Variants in RYR3 observed in about 807,000 individuals in gnomAD.
RYR3 encodes the protein brain ryanodine receptor-calcium release channel.
In RYR3, 207 loss-of-function variants were observed where a neutral mutation model predicts 584.3. That is an observed-to-expected ratio of 0.35 (90% CI 0.32 to 0.40). The LOEUF (loss-of-function observed/expected upper bound fraction) is 0.40, where lower values mean the gene tolerates loss of function less well. RYR3 is among the 10% of genes least tolerant of loss of function. The pLI is 1.00. For missense variants in RYR3, 5,616 were observed against 6,089.2 expected, an observed-to-expected ratio of 0.92 and a Z score of 2.59; for synonymous variants, 2,416 against 2,248.5, an observed-to-expected ratio of 1.07 and a Z score of -2.11.
chr15:33,801,745 G>A (rs1159379472), intron 68 of RYR3, 124 bp from the exon 69 acceptor site: 10 of 615,568 alleles, frequency 1.6e-5, no homozygotes, highest in African/African-American at 5.6e-5. Context: ...AGTTTTTCAC[G>A]TGTCTTTGGA....
chr15:33,755,067 G>T lies in RYR3; in HGVS notation c.8402G>T (p.Gly2801Val), dbSNP rs769322370. 2 of 1,592,348 alleles carry T rather than the reference G, an allele frequency of 1.3e-6. No homozygotes were observed. The highest frequency in any genetic ancestry group is 2.7e-5 in the African/African-American group (2 of 74,612). Residue 2801 changes from glycine (G) to valine (V), a missense_variant and splice_region_variant, in exon 58 of 104, where the codon GGT (glycine) becomes GTT (valine). Coordinates refer to ENST00000634891, the MANE Select transcript of RYR3 (RefSeq NM_001036.6). ...LQVNGIIVSRGMKDMELDASS... is the reference protein window; with the variant it reads ...LQVNGIIVSRVMKDMELDASS... ...GGGTCTGTCCATGTCCAACGTAGGG[G>T]TATGAAGGATATGGAGCTGGATGCC...
intron 1 of RYR3, among the ~76,000 whole-genome samples, chr15:33,333,725 A>T (rs1410435191): frequency 6.6e-6 from 1 of 152,222 alleles, no homozygotes; most frequent in African/African-American, 2.4e-5. Flanking sequence ...AATAAAGGGC[A>T]TTCACATAGG....
chr15:33,676,630 C>T (rs1246506213), intron 38 of RYR3, among the ~76,000 whole-genome samples: 2 of 146,226 alleles, frequency 1.4e-5, no homozygotes. Context: ...TTATTTAGCT[C>T]CATAGAGGTT....
chr15:33,446,509 C>T (rs1367331515), intron 1 of RYR3, among the ~76,000 whole-genome samples: 1 of 152,174 alleles, frequency 6.6e-6, no homozygotes, highest in Non-Finnish European at 1.5e-5. Flanking sequence ...AGGCCTCTCT[C>T]CTTGGCTTGT....
chr15:33,452,764 A>G (rs969447138), intron 1 of RYR3, among the ~76,000 whole-genome samples: 3 of 152,212 alleles, frequency 2.0e-5, no homozygotes, highest in African/African-American at 7.2e-5. Context: ...ATTCCAACCC[A>G]AACAGTCTGA....
At chr15:33,652,448 T>C (rs901770085) in intron 31 of RYR3, among the ~76,000 whole-genome samples, 1 of 152,196 alleles carries the variant, frequency 6.6e-6, no homozygotes, top group African/African-American at 2.4e-5. Context: ...TGTGTTGACA[T>C]TGAGTCTGGA....
Position 33,757,475 on chromosome 15 carries a change from G to A in RYR3, c.8584G>A (p.Val2862Ile). ...AGTTGATTTCTGGTGCGTTTCCCAG[G>A]TTCTCCTCCCGCTGGTTGACCAGTA... ...RDQEIKFFAK[V>I]LLPLVDQYFT... is the part of the protein sequence containing the mutation. The change falls in exon 60 of 104, where the codon GTT becomes ATT. Residue 2862 changes from valine (V) to isoleucine (I), a missense_variant and splice_region_variant. Physicochemically the swap from Val to Ile is conservative, Grantham distance 29 (BLOSUM62 3). Transcript: ENST00000634891. 1 of 1,604,852 alleles carries A rather than the reference G, an allele frequency of 6.2e-7. No homozygotes were observed. The highest frequency in any genetic ancestry group is 8.5e-7 in the Non-Finnish European group (1 of 1,175,916).
At chr15:33,824,659 T>C (rs1449031404) in intron 81 of RYR3, among the ~76,000 whole-genome samples, 1 of 152,176 alleles carries the variant, frequency 6.6e-6, no homozygotes, top group African/African-American at 2.4e-5. Context: ...AAATGAAACT[T>C]ACCTAAATCA....
At chr15:33,819,722 A>ATAAAT in intron 76 of RYR3, 34 bp from the exon 77 acceptor site, 1 of 1,191,554 alleles carries the variant, frequency 8.4e-7, no homozygotes, top group East Asian at 2.7e-5. Context: ...AAATAAATAA[A>ATAAAT]AAGCCTGCTA....
At chr15:33,675,032 T>C (rs2064084870) in intron 38 of RYR3, among the ~76,000 whole-genome samples, 1 of 152,180 alleles carries the variant, frequency 6.6e-6, no homozygotes, top group Admixed American at 6.5e-5. Context: ...GAGGCGGAGC[T>C]TGCAGTGAGC....
intron 72 of RYR3, among the ~76,000 whole-genome samples, chr15:33,812,211 T>C (rs1006675224): frequency 6.6e-6 from 1 of 152,002 alleles, no homozygotes; most frequent in Non-Finnish European, 1.5e-5. Flanking sequence ...TTGGAGAGCC[T>C]CCACCTTCTA....
intron 3 of RYR3, among the ~76,000 whole-genome samples, chr15:33,527,515 C>T (rs1236087190): frequency 6.7e-6 from 1 of 149,104 alleles, no homozygotes; most frequent in Non-Finnish European, 1.5e-5. Flanking sequence ...ACCTGGGAGG[C>T]AGAGGTTGCA....
At chr15:33,605,721 G>A (rs1179263584) in intron 18 of RYR3, among the ~76,000 whole-genome samples, 1 of 152,112 alleles carries the variant, frequency 6.6e-6, no homozygotes, top group Non-Finnish European at 1.5e-5. Context: ...ATTGGAATAT[G>A]TCAGGAATAT....
intron 93 of RYR3, among the ~76,000 whole-genome samples, chr15:33,846,795 G>A (rs1017424751): frequency 1.3e-5 from 2 of 152,190 alleles, no homozygotes; most frequent in African/African-American, 2.4e-5. Context: ...ACATAAAAAT[G>A]AGTACTGTTG....
intron 43 of RYR3, among the ~76,000 whole-genome samples, chr15:33,716,701 C>T (rs1162961307): frequency 1.3e-5 from 2 of 152,200 alleles, no homozygotes; most frequent in Non-Finnish European, 2.9e-5. Flanking sequence ...AGCAGCTTGC[C>T]TCCAAGGCCC....
At chr15:33,432,519 G>A (rs1328190973) in intron 1 of RYR3, among the ~76,000 whole-genome samples, 1 of 151,578 alleles carries the variant, frequency 6.6e-6, no homozygotes, top group East Asian at 1.9e-4. Flanking sequence ...AACGATTCTT[G>A]AGATAGTCAA....
chr15:33,330,220 C>T (rs1056474479), intron 1 of RYR3, among the ~76,000 whole-genome samples: 1 of 152,180 alleles, frequency 6.6e-6, no homozygotes, highest in South Asian at 2.1e-4. Context: ...CATCAGGCTA[C>T]ACCTCTTTAT....
chr15:33,688,302 G>A (rs545400093), intron 38 of RYR3, among the ~76,000 whole-genome samples: 16 of 152,176 alleles, frequency 1.1e-4, no homozygotes, highest in South Asian at 6.2e-4. Flanking sequence ...GGCTGGGCAC[G>A]GTGGCTCACA....
chr15:33,819,610 G>T, intron 76 of RYR3, 146 bp from the exon 77 acceptor site: 1 of 358,598 alleles, frequency 2.8e-6, no homozygotes, highest in Non-Finnish European at 4.5e-6. Context: ...GGAGGCGGAG[G>T]TTGCAGTGAG....
Sources: gnomAD v4.1 joint callset for allele counts (sites outside exome capture counted in the v4.1 genomes callset) on GRCh38, gnomAD v4.1.1 for gene constraint, MANE v1.5 for transcripts, NCBI Gene and HGNC (gene_info 2026-07-23, HGNC 2026-07-21) for gene names.